Variants in AP1S3 observed in about 807,000 individuals in gnomAD.
AP1S3 encodes adaptor related protein complex 1 subunit sigma 3.
A neutral mutation model predicts 20.9 loss-of-function variants in AP1S3; 10 were observed. The observed-to-expected ratio is 0.48, with a 90% CI of 0.29 to 0.81. The LOEUF (loss-of-function observed/expected upper bound fraction) is 0.81, where lower values mean the gene tolerates loss of function less well. Among genes scored for constraint, AP1S3 ranks in the 30% least tolerant of loss-of-function variants. The pLI is 0.08. For synonymous variants in AP1S3, 41 were observed against 61.5 expected (o/e 0.67, Z 1.56); for missense variants, 154 against 183.8 (o/e 0.84, Z 0.94).
At chr2:223,771,891 G>A (rs568807238) in intron 3 of AP1S3, among the ~76,000 whole-genome samples, 123 of 152,342 alleles carry the variant, frequency 8.1e-4, no homozygotes, top group Non-Finnish European at 1.2e-3. Context: ...TGGATCACCT[G>A]AGGCCAGGAG....
rs190510147 is a variant in AP1S3 at position 223,810,599 on chromosome 2, G to A, written c.3+26849C>T. On this transcript the variant is annotated intron_variant, in intron 1 of 4. Coordinates refer to ENST00000396654, the MANE Select transcript of AP1S3 (RefSeq NM_001039569.2). Reference sequence around the variant, plus strand: ...GCTGAGATTACAGGCGTGAGCCTCAGTGCCCAGCCTTGTAATCTAATTTTC... The same window carrying A: ...GCTGAGATTACAGGCGTGAGCCTCAATGCCCAGCCTTGTAATCTAATTTTC... 8.3e-3 allele frequency among the ~76,000 whole-genome samples: 1,263 copies of A among 152,316 alleles called. 11 individuals are homozygous for A. The highest frequency in any genetic ancestry group is 0.024 in the South Asian group (118 of 4,830).
At position 223,828,091 on chromosome 2, in the gene AP1S3, AAAG is replaced by A. The variant is rs1559148107; in HGVS notation, c.3+9354_3+9356del. Reference sequence around the variant, plus strand: ...AAAAAAAAAAAAAAAAAAAAAAAAAAAAGAAGAAGAAGAAAAGAAAAAGAAATA... The same window carrying A: ...AAAAAAAAAAAAAAAAAAAAAAAAAAAAGAAGAAGAAAAGAAAAAGAAATA... On this transcript the variant is annotated intron_variant, in intron 1 of 4. Coordinates refer to ENST00000396654, the MANE Select transcript of AP1S3 (RefSeq NM_001039569.2). 3.1e-4 allele frequency among the ~76,000 whole-genome samples: 40 copies of A among 130,368 alleles called. 1 individual carries two copies. The highest frequency in any genetic ancestry group is 3.7e-4 in the Non-Finnish European group (23 of 62,300). The allele number at this position is 130,368 out of a possible 152,430, so 85.5% of individuals were successfully genotyped here. A position where few individuals can be genotyped will look rare whatever the true frequency, so the allele number is the denominator to read the frequency against.
In AP1S3 at chr2:223,837,430, C is replaced by T. The variant is rs1692431522; in HGVS notation, c.3+18G>A. 1.6e-6 allele frequency: 2 copies of T among 1,231,292 alleles called. No homozygotes were observed. The highest frequency in any genetic ancestry group is 2.0e-6 in the Non-Finnish European group (2 of 980,888). The allele number at this position is 1,231,292 out of a possible 1,614,324, so 76.3% of individuals were successfully genotyped here. A position where few individuals can be genotyped will look rare whatever the true frequency, so the allele number is the denominator to read the frequency against. ...CGCCCCCACCGCCTACCCGGGCCGG[C>T]GGTTCCCCCGCACTCACCATCGTGG... On this transcript the variant is annotated intron_variant, in intron 1 of 4. Transcript: ENST00000396654.
intron 1 of AP1S3, among the ~76,000 whole-genome samples, chr2:223,804,463 C>T (rs1312049874): frequency 6.6e-6 from 1 of 152,112 alleles, no homozygotes; most frequent in Admixed American, 6.6e-5. Flanking sequence ...CCTTGGGAGG[C>T]TGAGGTGGGA....
chr2:223,755,974 C>G lies in AP1S3; in HGVS notation c.*2741G>C. 3.1e-5 allele frequency: 31 copies of G among 985,406 alleles called. No individual in the cohort carries two copies. Among genetic ancestry groups the G allele is most frequent in the Non-Finnish European group, 3.7e-5 (31 of 829,920 alleles). 61.0% of individuals were successfully genotyped at this position (985,406 alleles called of 1,614,324 possible). A position where few individuals can be genotyped will look rare whatever the true frequency, so the allele number is the denominator to read the frequency against. ...AGATACCTTTATCCAAATATGGTGACAAATTTCAAAAGAACCGGAAAAACT... is the reference window on the plus strand; with the variant it reads ...AGATACCTTTATCCAAATATGGTGAGAAATTTCAAAAGAACCGGAAAAACT... On this transcript the variant is annotated 3_prime_UTR_variant, in exon 5 of 5. Transcript: ENST00000396654.
rs1019560386 is a variant in AP1S3, at chr2:223,757,090, A to G, written c.*1625T>C. ...CTGCAACCTCTGCCTCCTGGGTTCA[A>G]GCCATTCCCCTGCCTCAGCCCCCTG... On this transcript the variant is annotated 3_prime_UTR_variant, in exon 5 of 5. Transcript: ENST00000396654. The G allele has an allele frequency of 4.5e-5, 33 of 734,030 alleles. No homozygotes were observed. The highest frequency in any genetic ancestry group is 5.5e-5 in the Non-Finnish European group (33 of 600,716). The allele number at this position is 734,030 out of a possible 1,614,324, so 45.5% of individuals were successfully genotyped here.
chr2:223,829,836 C>CA (rs960654023), intron 1 of AP1S3, among the ~76,000 whole-genome samples: 66 of 119,196 alleles, frequency 5.5e-4, no homozygotes, highest in Admixed American at 9.3e-4. Context: ...GACTCCATCT[C>CA]AAAAAAAAAC....
intron 1 of AP1S3, among the ~76,000 whole-genome samples, chr2:223,794,068 G>A (rs532239434): frequency 4.6e-4 from 70 of 152,138 alleles, no homozygotes; most frequent in African/African-American, 1.5e-3. Flanking sequence ...TCACCTCTTG[G>A]GTTTTTTTTC....
intron 1 of AP1S3, among the ~76,000 whole-genome samples, chr2:223,833,592 T>G (rs6729651): frequency 0.34 from 51,854 of 152,080 alleles, 9,209 homozygotes; most frequent in Middle Eastern, 0.43. Context: ...GATCTGCCAG[T>G]AAGCATCTAC....
rs180960966 is a variant in AP1S3 at position 223,820,284 on chromosome 2, G to A, written c.3+17164C>T. Among the ~76,000 whole-genome samples the A allele has an allele frequency of 2.6e-3, 400 of 152,138 alleles. 1 individual carries two copies. The highest frequency in any genetic ancestry group is 4.7e-3 in the Non-Finnish European group (319 of 67,992). On this transcript the variant is annotated intron_variant, in intron 1 of 4. Transcript: ENST00000396654. Reference sequence around the variant, plus strand: ...AAGTTTTCGCATTTAGGTCCATTACGTTTTAAAATGTTTTATTCTTAAATA... The same window carrying A: ...AAGTTTTCGCATTTAGGTCCATTACATTTTAAAATGTTTTATTCTTAAATA...
intron 1 of AP1S3, among the ~76,000 whole-genome samples, chr2:223,780,926 G>A (rs1449699315): frequency 1.3e-5 from 2 of 151,704 alleles, no homozygotes; most frequent in Admixed American, 6.6e-5. Context: ...TAGTTTCTCA[G>A]CCCTTGCCCC....
At chr2:223,823,988 G>A (rs1241968843) in intron 1 of AP1S3, among the ~76,000 whole-genome samples, 1 of 152,154 alleles carries the variant, frequency 6.6e-6, no homozygotes, top group African/African-American at 2.4e-5. Flanking sequence ...GAGGGAAATA[G>A]TAGACGGTTT....
At chr2:223,763,606 C>T (rs1690409794) in intron 4 of AP1S3, among the ~76,000 whole-genome samples, 2 of 152,196 alleles carry the variant, frequency 1.3e-5, no homozygotes, top group South Asian at 4.1e-4. Flanking sequence ...AAGTTTTCCT[C>T]CCTGTGGCAT....
chr2:223,771,025 G>A (rs1397616785), intron 3 of AP1S3, among the ~76,000 whole-genome samples: 8 of 150,908 alleles, frequency 5.3e-5, no homozygotes, highest in South Asian at 2.2e-4. Flanking sequence ...ATGAGCCACC[G>A]TTCCCAGTCC....
intron 3 of AP1S3, among the ~76,000 whole-genome samples, chr2:223,773,618 G>A (rs903647539): frequency 6.6e-6 from 1 of 152,030 alleles, no homozygotes; most frequent in Admixed American, 6.6e-5. Flanking sequence ...AAGGGAGGGA[G>A]GAAAAATTCT....
chr2:223,757,989 T>C lies in AP1S3; in HGVS notation c.*726A>G, dbSNP rs1180259662. ...CTGTATCTCTAGGTCTCTATAAACCTTAATAAATATATAGTTCATAGAAAA... is the reference window on the plus strand; with the variant it reads ...CTGTATCTCTAGGTCTCTATAAACCCTAATAAATATATAGTTCATAGAAAA... On this transcript the variant is annotated 3_prime_UTR_variant, in exon 5 of 5. Coordinates refer to ENST00000396654, the MANE Select transcript of AP1S3 (RefSeq NM_001039569.2). 47 of 965,994 alleles carry C rather than the reference T, an allele frequency of 4.9e-5. No homozygotes were observed. Among genetic ancestry groups the C allele is most frequent in the Admixed American group, 6.2e-5 (1 of 16,250 alleles). The allele number at this position is 965,994 out of a possible 1,614,324, so 59.8% of individuals were successfully genotyped here. A position where few individuals can be genotyped will look rare whatever the true frequency, so the allele number is the denominator to read the frequency against.
chr2:223,763,791 GGA>G lies in AP1S3; in HGVS notation c.429+1420_429+1421del, dbSNP rs1160125286. Among the ~76,000 whole-genome samples, 5 of 152,320 alleles carry G rather than the reference GGA, an allele frequency of 3.3e-5. No individual in the cohort carries two copies. The East Asian group carries it at 9.6e-4, about 29-fold the overall frequency. ...AGAGGACTGATGCTCTGGCTGGGCA[GGA>G]GCAAGTAATCAGCCTAAAGATGCAC... On this transcript the variant is annotated intron_variant, in intron 4 of 4. Coordinates refer to ENST00000396654, the MANE Select transcript of AP1S3 (RefSeq NM_001039569.2).
At chr2:223,771,435 A>G (rs1244753821) in intron 3 of AP1S3, among the ~76,000 whole-genome samples, 1 of 151,930 alleles carries the variant, frequency 6.6e-6, no homozygotes, top group East Asian at 1.9e-4. Flanking sequence ...AAGTGATTCC[A>G]CTCCTTCTAA....
chr2:223,772,258 AC>A (rs1264875141), intron 3 of AP1S3, among the ~76,000 whole-genome samples: 7 of 152,254 alleles, frequency 4.6e-5, no homozygotes, highest in African/African-American at 1.4e-4. Flanking sequence ...ACTTCTCTTA[AC>A]CTTTTTGAGG....
Sources: gnomAD v4.1 joint callset for allele counts (sites outside exome capture counted in the v4.1 genomes callset) on GRCh38, gnomAD v4.1.1 for gene constraint, MANE v1.5 for transcripts, NCBI Gene and HGNC (gene_info 2026-07-23, HGNC 2026-07-21) for gene names.